The following DCUN1D4 variants were observed in gnomAD, a reference collection of about 807,000 sequenced individuals.
DCUN1D4 encodes DCN1-like protein 4.
DCUN1D4 carries 22 observed loss-of-function variants against 47.9 expected under a neutral mutation model. The ratio of observed to expected loss-of-function variants is 0.46; its 90% CI spans 0.33 to 0.66. The LOEUF (loss-of-function observed/expected upper bound fraction) is 0.66, where lower values mean the gene tolerates loss of function less well. Ranked by LOEUF, DCUN1D4 falls within the 30% of genes least tolerant of loss-of-function variation. The pLI is 0.02. For missense variants in DCUN1D4, 301 were observed against 340.8 expected (o/e 0.88, Z 0.92); for synonymous variants, 121 against 112.2 (o/e 1.08, Z -0.50).
chr4:51,855,402 A>G (rs1443367516), intron 1 of DCUN1D4, among the ~76,000 whole-genome samples: 1 of 152,212 alleles, frequency 6.6e-6, no homozygotes, highest in African/African-American at 2.4e-5. Context: ...AGCTTTTAAT[A>G]TCAGGAAGTG....
chr4:51,893,919 A>G (rs150348606), intron 7 of DCUN1D4, among the ~76,000 whole-genome samples: 2 of 152,316 alleles, frequency 1.3e-5, no homozygotes, highest in East Asian at 3.9e-4. Context: ...ATGTCCCTCT[A>G]CAAAAGAATA....
At chr4:51,847,464 G>T (rs570614573) in intron 1 of DCUN1D4, among the ~76,000 whole-genome samples, 1 of 152,174 alleles carries the variant, frequency 6.6e-6, no homozygotes, top group East Asian at 1.9e-4. Context: ...TGAAATCCTG[G>T]ACATTTCTTA....
At chr4:51,845,955 TA>T (rs1208816173) in intron 1 of DCUN1D4, among the ~76,000 whole-genome samples, 3 of 152,190 alleles carry the variant, frequency 2.0e-5, no homozygotes, top group African/African-American at 4.8e-5. Context: ...TAAAAATATG[TA>T]CAAAAATGTG....
chr4:51,863,513 T>C lies in DCUN1D4; in HGVS notation c.96+6T>C. 3 of 1,609,688 alleles carry C rather than the reference T, an allele frequency of 1.9e-6. No individual in the cohort carries two copies. The highest frequency in any genetic ancestry group is 2.5e-6 in the Non-Finnish European group (3 of 1,176,954). ...ACCACACCCTTAATAAGCTGGTAAG[T>C]CATTCTTTTAAAGACAAAATTACCA... On this transcript the variant is annotated splice_donor_region_variant and intron_variant, in intron 2 of 10. Transcript: ENST00000334635.
At chr4:51,874,176 T>C (rs963735923) in intron 3 of DCUN1D4, 95 bp from the exon 4 acceptor site, 16 of 663,246 alleles carry the variant, frequency 2.4e-5, no homozygotes, top group Non-Finnish European at 3.6e-5. Flanking sequence ...CAATACAAGC[T>C]GTGGAAGTGT....
chr4:51,891,644 C>T, intron 6 of DCUN1D4, 116 bp from the exon 7 acceptor site: 1 of 748,292 alleles, frequency 1.3e-6, no homozygotes, highest in Non-Finnish European at 2.1e-6. Context: ...AGTGACTAAA[C>T]TACTGTGAAC....
intron 7 of DCUN1D4, among the ~76,000 whole-genome samples, chr4:51,892,523 A>G (rs991197092): frequency 6.6e-6 from 1 of 152,214 alleles, no homozygotes; most frequent in Non-Finnish European, 1.5e-5. Context: ...TGATATCTCT[A>G]TATATTCTGA....
intron 7 of DCUN1D4, among the ~76,000 whole-genome samples, chr4:51,892,428 G>T (rs1478139214): frequency 6.6e-6 from 1 of 152,170 alleles, no homozygotes; most frequent in Non-Finnish European, 1.5e-5. Context: ...CAGTTTTAGA[G>T]CTTAAAAGGC....
intron 8 of DCUN1D4, chr4:51,905,304 C>G: frequency 2.3e-6 from 1 of 436,088 alleles, no homozygotes; most frequent in South Asian, 1.6e-5. Flanking sequence ...GGGCCCGCAT[C>G]TGCCCTTGAC....
Position 51,915,397 on chromosome 4 carries a change from C to T in DCUN1D4, c.*1813C>T, listed in dbSNP as rs1199151230. Reference sequence around the variant, plus strand: ...CACTCCTTATTTGTAGATTCACTTTCAACCTTAAAAATTAATACCAGTTTG... The same window carrying T: ...CACTCCTTATTTGTAGATTCACTTTTAACCTTAAAAATTAATACCAGTTTG... On this transcript the variant is annotated 3_prime_UTR_variant, in exon 11 of 11. Transcript: ENST00000334635. The T allele has an allele frequency of 6.6e-6, 1 of 152,530 alleles. No individual in the cohort carries two copies. Among genetic ancestry groups the T allele is most frequent in the African/African-American group, 2.4e-5 (1 of 41,430 alleles). 9.4% of individuals were successfully genotyped at this position (152,530 alleles called of 1,614,324 possible). A position where few individuals can be genotyped will look rare whatever the true frequency, so the allele number is the denominator to read the frequency against.
intron 7 of DCUN1D4, among the ~76,000 whole-genome samples, chr4:51,893,939 A>G (rs1037145126): frequency 2.6e-5 from 4 of 152,226 alleles, no homozygotes; most frequent in African/African-American, 9.7e-5. Context: ...ATTACCTGAT[A>G]CCAGACCTTG....
intron 8 of DCUN1D4, among the ~76,000 whole-genome samples, chr4:51,910,575 A>G (rs1733573445): frequency 6.6e-6 from 1 of 152,158 alleles, no homozygotes; most frequent in African/African-American, 2.4e-5. Flanking sequence ...AGTCAATTCC[A>G]GCATGTTTAG....
chr4:51,889,125 A>C (rs1047816160), intron 6 of DCUN1D4, among the ~76,000 whole-genome samples: 1 of 152,148 alleles, frequency 6.6e-6, no homozygotes, highest in Admixed American at 6.5e-5. Flanking sequence ...GAAAAAAAAG[A>C]GAGAATATTA....
intron 3 of DCUN1D4, among the ~76,000 whole-genome samples, chr4:51,872,381 G>C (rs943660778): frequency 2.0e-5 from 3 of 152,306 alleles, no homozygotes; most frequent in African/African-American, 7.2e-5. Context: ...CACATTCACT[G>C]TGTCCACTTC....
chr4:51,846,142 T>G (rs1484273170), intron 1 of DCUN1D4, among the ~76,000 whole-genome samples: 1 of 152,212 alleles, frequency 6.6e-6, no homozygotes, highest in Non-Finnish European at 1.5e-5. Context: ...TATACACATA[T>G]AGCCCACCTC....
At chr4:51,858,704 C>A (rs1350552401) in intron 1 of DCUN1D4, among the ~76,000 whole-genome samples, 1 of 152,192 alleles carries the variant, frequency 6.6e-6, no homozygotes, top group Non-Finnish European at 1.5e-5. Flanking sequence ...TTCTTGCACA[C>A]ATAGTATAAC....
intron 8 of DCUN1D4, 40 bp from the exon 9 acceptor site, chr4:51,911,030 G>C: frequency 1.9e-6 from 3 of 1,565,348 alleles, no homozygotes; most frequent in Non-Finnish European, 2.6e-6. Context: ...TTTATTATTT[G>C]GGGGCATCTG....
At chr4:51,907,386 A>G (rs1403315796) in intron 8 of DCUN1D4, among the ~76,000 whole-genome samples, 1 of 152,228 alleles carries the variant, frequency 6.6e-6, no homozygotes, top group African/African-American at 2.4e-5. Flanking sequence ...TATTTCAGAT[A>G]TGAGCTTTTT....
intron 8 of DCUN1D4, among the ~76,000 whole-genome samples, chr4:51,901,915 A>G (rs553877675): frequency 6.6e-6 from 1 of 152,304 alleles, no homozygotes; most frequent in South Asian, 2.1e-4. Flanking sequence ...ATGCTCTAAG[A>G]TAAATTTTTT....
Sources: allele counts gnomAD v4.1 joint callset (sites outside exome capture counted in the v4.1 genomes callset), GRCh38; gene constraint gnomAD v4.1.1; transcripts MANE v1.5; gene names NCBI Gene and HGNC (gene_info 2026-07-23, HGNC 2026-07-21).